The following TRPM6 variants were observed in gnomAD, a reference collection of about 807,000 sequenced individuals.
TRPM6 encodes the protein transient receptor potential cation channel subfamily M member 6.
In TRPM6, 111 loss-of-function variants were observed where a neutral mutation model predicts 247.6. That is an observed-to-expected ratio of 0.45 (90% CI 0.38 to 0.52). The LOEUF (loss-of-function observed/expected upper bound fraction) is 0.52. Ranked by LOEUF, TRPM6 falls within the 20% of genes least tolerant of loss-of-function variation. TRPM6 has a pLI of 0.00. For missense variants in TRPM6, 2,126 were observed against 2,421.5 expected (o/e 0.88, Z 2.56); for synonymous variants, 892 against 853.8 (o/e 1.04, Z -0.78).
intron 31 of TRPM6, among the ~76,000 whole-genome samples, chr9:74,746,328 A>T (rs968670118): frequency 1.3e-5 from 2 of 152,184 alleles, no homozygotes; most frequent in African/African-American, 4.8e-5. Flanking sequence ...GATGGGATGT[A>T]GGGATGTGAA....
At chr9:74,828,631 C>CTTT (rs71497362) in intron 6 of TRPM6, among the ~76,000 whole-genome samples, 3 of 138,616 alleles carry the variant, frequency 2.2e-5, no homozygotes, top group African/African-American at 8.0e-5. Context: ...TCCTTTCTTT[C>CTTT]TTTTTTTTTT....
intron 27 of TRPM6, among the ~76,000 whole-genome samples, chr9:74,760,050 T>C (rs1330010337): frequency 1.3e-5 from 2 of 152,160 alleles, no homozygotes; most frequent in Non-Finnish European, 2.9e-5. Flanking sequence ...AAGATTATAA[T>C]GCAACTGAAA....
intron 31 of TRPM6, 86 bp from the exon 32 acceptor site, chr9:74,744,231 T>A: frequency 7.1e-7 from 1 of 1,402,852 alleles, no homozygotes; most frequent in Non-Finnish European, 1.0e-6. Flanking sequence ...AAAGTTATTA[T>A]TGAACAGGTT....
intron 1 of TRPM6, among the ~76,000 whole-genome samples, chr9:74,862,747 C>T (rs984219171): frequency 1.3e-5 from 2 of 152,062 alleles, no homozygotes; most frequent in African/African-American, 4.8e-5. Context: ...TTTGGGAGGC[C>T]AAGGCGAGCA....
chr9:74,742,227 G>C (rs887721327), intron 33 of TRPM6, among the ~76,000 whole-genome samples: 1 of 152,136 alleles, frequency 6.6e-6, no homozygotes, highest in Non-Finnish European at 1.5e-5. Context: ...GACATTTATC[G>C]CTTTCTCCTG....
chr9:74,776,300 T>C (rs1827220532), intron 23 of TRPM6: 1 of 492,218 alleles, frequency 2.0e-6, no homozygotes, highest in Admixed American at 3.1e-5. Flanking sequence ...AAGGCAGACA[T>C]TACAATCAGA....
rs144897148 is a variant in TRPM6 at position 74,800,118 on chromosome 9, T to G, written c.2238+136A>C. 3.1e-4 allele frequency: 249 copies of G among 806,216 alleles called. No homozygotes were observed. In the African/African-American group the frequency reaches 3.5e-3, roughly 11 times the overall value. The allele number at this position is 806,216 out of a possible 1,614,324, so 49.9% of individuals were successfully genotyped here. A position where few individuals can be genotyped will look rare whatever the true frequency, so the allele number is the denominator to read the frequency against. The stretch of plus-strand genomic sequence containing the variant: ...TATACGAGTAGCTGCAGTCCCCTGC[T>G]AGAACCTCCAAATGAGCTCTCAAAT... On this transcript the variant is annotated intron_variant, in intron 17 of 38. Coordinates refer to ENST00000360774, the MANE Select transcript of TRPM6 (RefSeq NM_017662.5).
rs1200098238 is a variant in TRPM6 at position 74,744,157 on chromosome 9, G to A, written c.5084-12C>T. 1 of 1,613,450 alleles carries A rather than the reference G, an allele frequency of 6.2e-7. No individual in the cohort carries two copies. Among genetic ancestry groups the A allele is most frequent in the African/African-American group, 1.3e-5 (1 of 74,924 alleles). ...GGAGGCTGAGATCTCTGAAATTAGA[G>A]AGGAGATTGGCATTTTAATTACATG... On this transcript the variant is annotated splice_polypyrimidine_tract_variant and intron_variant, in intron 31 of 38. Transcript: ENST00000360774.
intron 20 of TRPM6, 135 bp downstream of exon 20, chr9:74,788,479 G>T: frequency 1.9e-6 from 2 of 1,036,706 alleles, no homozygotes; most frequent in African/African-American, 1.6e-5. Context: ...CAGCATGTAA[G>T]TCAAGGTCAG....
At chr9:74,880,108 G>A (rs191132354) in intron 1 of TRPM6, among the ~76,000 whole-genome samples, 3 of 152,188 alleles carry the variant, frequency 2.0e-5, no homozygotes, top group Non-Finnish European at 2.9e-5. Flanking sequence ...GATTGTTGTG[G>A]TGTAAAAGTA....
chr9:74,722,684 T>C lies in TRPM6; in HGVS notation c.*1929A>G, dbSNP rs1587438983. 1 of 152,212 alleles carries C rather than the reference T, an allele frequency of 6.6e-6. No homozygotes were observed. Among genetic ancestry groups the C allele is most frequent in the South Asian group, 2.1e-4 (1 of 4,822 alleles). The allele number at this position is 152,212 out of a possible 1,614,324, so 9.4% of individuals were successfully genotyped here. A position where few individuals can be genotyped will look rare whatever the true frequency, so the allele number is the denominator to read the frequency against. On this transcript the variant is annotated 3_prime_UTR_variant, in exon 39 of 39. Transcript: ENST00000360774. ...TGTAGAATAGGATAAAGTTGTTAAG[T>C]CCCCAAAAAAGTATTAACATTTTAT...
chr9:74,844,912 T>C (rs749009221), intron 3 of TRPM6, among the ~76,000 whole-genome samples: 48 of 152,202 alleles, frequency 3.2e-4, no homozygotes, highest in Non-Finnish European at 6.8e-4. Context: ...AAGTGGCCAT[T>C]ATAGGATTAT....
At chr9:74,834,386 C>T (rs1405336418) in intron 5 of TRPM6, among the ~76,000 whole-genome samples, 1 of 152,166 alleles carries the variant, frequency 6.6e-6, no homozygotes, top group East Asian at 1.9e-4. Flanking sequence ...CAGATCCGAT[C>T]CTACTCTTGC....
intron 25 of TRPM6, among the ~76,000 whole-genome samples, chr9:74,763,685 C>T (rs1308138116): frequency 6.6e-6 from 1 of 151,960 alleles, no homozygotes; most frequent in Non-Finnish European, 1.5e-5. Flanking sequence ...TCCCAAGTTT[C>T]AAACAAAATC....
intron 27 of TRPM6, 146 bp from the exon 28 acceptor site, chr9:74,755,619 T>G: frequency 9.9e-7 from 1 of 1,006,128 alleles, no homozygotes; most frequent in Admixed American, 1.8e-5. Flanking sequence ...ACAAATCCCA[T>G]CACTTAGGCT....
intron 3 of TRPM6, among the ~76,000 whole-genome samples, chr9:74,846,429 A>G (rs1186877874): frequency 6.6e-6 from 1 of 152,222 alleles, no homozygotes; most frequent in Non-Finnish European, 1.5e-5. Context: ...CTCATTTAAA[A>G]CAATTATATT....
chr9:74,742,303 T>C (rs954270975), intron 33 of TRPM6, among the ~76,000 whole-genome samples: 1 of 152,230 alleles, frequency 6.6e-6, no homozygotes, highest in African/African-American at 2.4e-5. Context: ...AGTCAGTGAA[T>C]GCCAGGTGCA....
At chr9:74,728,987 A>C (rs1470640912) in intron 37 of TRPM6, among the ~76,000 whole-genome samples, 1 of 152,212 alleles carries the variant, frequency 6.6e-6, no homozygotes, top group East Asian at 1.9e-4. Context: ...AGTTACAAAT[A>C]GAATCAGTAT....
chr9:74,803,824 G>A lies in TRPM6; in HGVS notation c.1701C>T (p.Phe567=). 1 of 1,613,250 alleles carries A rather than the reference G, an allele frequency of 6.2e-7. No individual in the cohort carries two copies. The highest frequency in any genetic ancestry group is 8.5e-7 in the Non-Finnish European group (1 of 1,179,226). The stretch of plus-strand genomic sequence containing the variant: ...ATTTGTATGGCTGTGCAGTTCTAAT[G>A]AACTGGGAGTGCAGCGTACTTTCTG... ...ESAESTLHSQ[F]IRTAQPYKFK... The change falls in exon 15 of 39, where the codon TTC becomes TTT. Residue 567 remains phenylalanine (F), a synonymous_variant. Coordinates refer to ENST00000360774, the MANE Select transcript of TRPM6 (RefSeq NM_017662.5).
Sources: gnomAD v4.1 joint callset for allele counts (sites outside exome capture counted in the v4.1 genomes callset) on GRCh38, gnomAD v4.1.1 for gene constraint, MANE v1.5 for transcripts, NCBI Gene and HGNC (gene_info 2026-07-23, HGNC 2026-07-21) for gene names.